Variants in MSL3 observed in about 807,000 individuals in gnomAD.
MSL3 encodes the protein MSL3-like 1.
A neutral mutation model predicts 37.2 loss-of-function variants in MSL3; 5 were observed. The observed-to-expected ratio is 0.13, with a 90% CI of 0.07 to 0.28. The LOEUF is 0.28. Ranked by LOEUF, MSL3 falls within the 10% of genes least tolerant of loss-of-function variation. The pLI, the probability that MSL3 is intolerant of heterozygous loss-of-function variation, is 1.00. For synonymous variants in MSL3, 149 were observed against 147.6 expected, an observed-to-expected ratio of 1.01 and a Z score of -0.07; for missense variants, 315 against 408.5, an observed-to-expected ratio of 0.77 and a Z score of 1.97.
rs193148980 is a variant in MSL3 at position 11,775,205 on chromosome X, T to C, written c.*126T>C. 2.1e-6 allele frequency: 1 copy of C among 470,773 alleles called. No homozygotes were observed. The highest frequency in any genetic ancestry group is 3.8e-5 in the East Asian group (1 of 26,636). The allele number at this position is 470,773 out of a possible 1,213,427, so 38.8% of individuals were successfully genotyped here. A position where few individuals can be genotyped will look rare whatever the true frequency, so the allele number is the denominator to read the frequency against. ...ACACAATGCCCACCTTGGGGCTCTG[T>C]TGTTTGAGTTGCCCACATACTGCAG... is the stretch of plus-strand genomic sequence containing the variant. On this transcript the variant is annotated 3_prime_UTR_variant, in exon 13 of 13. Coordinates refer to ENST00000312196, the MANE Select transcript of MSL3 (RefSeq NM_078629.4).
intron 12 of MSL3, among the ~76,000 whole-genome samples, chrX:11,774,116 TA>T (rs747223060): frequency 7.1e-5 from 8 of 111,977 alleles, no homozygotes; most frequent in Admixed American, 1.9e-4. Context: ...AGCACATTTT[TA>T]ACATCCGTCT....
At chrX:11,765,417 G>A (rs1336175703) in intron 8 of MSL3, 50 bp from the exon 9 acceptor site, 1 of 1,149,913 alleles carries the variant, frequency 8.7e-7, no homozygotes. Flanking sequence ...AGCACTCCAT[G>A]TTCTGGAAAG....
At position 11,765,548 on chromosome X, in the gene MSL3, T is replaced by C. The variant is rs2053173303; in HGVS notation, c.990T>C (p.Gly330=). ...CCACAGAGAGTCAGCCGACCACCGG[T>C]GAACCAGCCACCCCCAAAAGGCGCA... The part of the protein sequence containing the change: ...PQSTESQPTT[G]EPATPKRRKA... The change falls in exon 9 of 13, where the codon GGT becomes GGC. Residue 330 remains glycine, a synonymous_variant. Transcript: ENST00000312196. 8.3e-7 allele frequency: 1 copy of C among 1,210,962 alleles called. No homozygotes were observed. The highest frequency in any genetic ancestry group is 3.0e-5 in the East Asian group (1 of 33,830).
chrX:11,758,406 G>GACCCGGGACCGGGGGCGGGGGC, intron 1 of MSL3, 41 bp downstream of exon 1: 1 of 956,665 alleles, frequency 1.0e-6, no homozygotes, highest in Non-Finnish European at 1.4e-6. Flanking sequence ...CGGGCTGGGG[G>GACCCGGGACCGGGGGCGGGGGC]ACCCGGGACC....
intron 9 of MSL3, chrX:11,766,930 G>C: frequency 4.0e-6 from 3 of 754,678 alleles, no homozygotes; most frequent in Non-Finnish European, 4.7e-6. Context: ...GGTGTATCTT[G>C]TGTATGACCT....
chrX:11,764,803 G>A (rs762179719), intron 8 of MSL3, among the ~76,000 whole-genome samples: 2 of 111,386 alleles, frequency 1.8e-5, no homozygotes, highest in African/African-American at 3.3e-5. Flanking sequence ...CCGCCTGGCC[G>A]CCATCTCCTC....
chrX:11,772,056 AT>A, intron 10 of MSL3, 99 bp from the exon 11 acceptor site: 2 of 560,339 alleles, frequency 3.6e-6, no homozygotes, highest in South Asian at 6.6e-5. Context: ...CCAATCACTT[AT>A]TTTTTCCCCT....
rs774733298 is a variant in MSL3, at chrX:11,764,471, G to A, written c.908+533G>A. Among the ~76,000 whole-genome samples, 7 of 110,733 alleles carry A rather than the reference G, an allele frequency of 6.3e-5. No individual in the cohort carries two copies. The South Asian group carries it at 1.2e-3, about 19-fold the overall frequency. On this transcript the variant is annotated intron_variant, in intron 8 of 12. Coordinates refer to ENST00000312196, the MANE Select transcript of MSL3 (RefSeq NM_078629.4). The stretch of plus-strand genomic sequence containing the variant: ...CACCACTTTTCCTCCCTCAGTTACC[G>A]AGCATGCTCTGTTCTTTTTTGAGGG...
In MSL3 at chrX:11,775,278, C is replaced by T. The variant is rs139878443; in HGVS notation, c.*199C>T. On this transcript the variant is annotated 3_prime_UTR_variant, in exon 13 of 13. Transcript: ENST00000312196. Reference sequence around the variant, plus strand: ...CTGGGTGCCTGAAAGTGCTCTGACACGACACTTGTTACTTTGCAGGCCATC... The same window carrying T: ...CTGGGTGCCTGAAAGTGCTCTGACATGACACTTGTTACTTTGCAGGCCATC... The T allele has an allele frequency of 1.5e-4, 58 of 383,830 alleles. No homozygotes were observed. Among genetic ancestry groups the T allele is most frequent in the Middle Eastern group, 1.4e-3 (2 of 1,479 alleles). 31.6% of individuals were successfully genotyped at this position (383,830 alleles called of 1,213,427 possible).
At chrX:11,773,566 T>C (rs1432818943) in intron 12 of MSL3, among the ~76,000 whole-genome samples, 1 of 111,955 alleles carries the variant, frequency 8.9e-6, no homozygotes, top group Non-Finnish European at 1.9e-5. Flanking sequence ...CACAACATTT[T>C]CTTGGAAACA....
chrX:11,760,463 A>G lies in MSL3; in HGVS notation c.246A>G (p.Leu82=). 1 of 1,203,686 alleles carries G rather than the reference A, an allele frequency of 8.3e-7. No individual in the cohort carries two copies. Among genetic ancestry groups the G allele is most frequent in the Non-Finnish European group, 1.1e-6 (1 of 891,740 alleles). The part of the protein sequence containing the change: ...VLRDTDENRR[L]QRKLARKAVA... The stretch of plus-strand genomic sequence containing the variant: ...GTGATACCGATGAAAATCGTAGATT[A>G]CAGCGTAAATTGGCAAGAAAAGCTG... Residue 82 remains leucine, a synonymous_variant, in exon 3 of 13, where the codon TTA becomes TTG. Transcript: ENST00000312196.
rs182808848 is a variant in MSL3, at chrX:11,775,433, T to C, written c.*354T>C. The C allele has an allele frequency of 3.7e-5, 5 of 133,435 alleles. No individual in the cohort carries two copies. The highest frequency in any genetic ancestry group is 3.9e-4 in the East Asian group (2 of 5,186). The allele number at this position is 133,435 out of a possible 1,213,427, so 11.0% of individuals were successfully genotyped here. A position where few individuals can be genotyped will look rare whatever the true frequency, so the allele number is the denominator to read the frequency against. On this transcript the variant is annotated 3_prime_UTR_variant, in exon 13 of 13. Transcript: ENST00000312196. ...TCTTTATTTGTTAGCATTAAACAAATTTTTTTTTGCAAATTGGTTTTATTT... is the reference window on the plus strand; with the variant it reads ...TCTTTATTTGTTAGCATTAAACAAACTTTTTTTTGCAAATTGGTTTTATTT...
chrX:11,759,349 GA>G (rs1321165442), intron 1 of MSL3, among the ~76,000 whole-genome samples: 7 of 110,100 alleles, frequency 6.4e-5, no homozygotes, highest in East Asian at 5.7e-4. Context: ...CCTCGGGGCG[GA>G]GGGGGGGGGG....
intron 10 of MSL3, among the ~76,000 whole-genome samples, chrX:11,770,465 G>T (rs921109956): frequency 2.7e-5 from 3 of 112,073 alleles, no homozygotes; most frequent in African/African-American, 9.8e-5. Flanking sequence ...GTGGTTATAG[G>T]TACAGCTGCA....
rs184812048 is a variant in MSL3 at position 11,762,769 on chromosome X, T to G, written c.589-68T>G. On this transcript the variant is annotated intron_variant, in intron 6 of 12. Coordinates refer to ENST00000312196, the MANE Select transcript of MSL3 (RefSeq NM_078629.4). ...TAAAAAATGATACAGACATGACCAG[T>G]GTTTCTTGGAATATGTGGTTTGTTA... 25 of 1,006,958 alleles carry G rather than the reference T, an allele frequency of 2.5e-5. No homozygotes were observed. In the East Asian group the frequency reaches 7.9e-4, roughly 32 times the overall value. 83.0% of individuals were successfully genotyped at this position (1,006,958 alleles called of 1,213,427 possible).
chrX:11,766,067 G>A (rs1329046935), intron 9 of MSL3: 3 of 936,198 alleles, frequency 3.2e-6, no homozygotes, highest in Non-Finnish European at 2.7e-6. Context: ...ATGCTAATGG[G>A]TTGTTTAGCT....
chrX:11,767,287 G>T (rs1023465091), intron 9 of MSL3: 1 of 750,346 alleles, frequency 1.3e-6, no homozygotes, highest in Admixed American at 8.7e-5. Flanking sequence ...ACAAAATCAG[G>T]TGCTTTTTTA....
At chrX:11,758,235 G>A, upstream of MSL3, 1 of 595,361 alleles carries the variant, frequency 1.7e-6, no homozygotes, top group Non-Finnish European at 2.2e-6. Context: ...CGCCCGCCCC[G>A]GAGCCTCGCC....
chrX:11,772,247 G>A lies in MSL3; in HGVS notation c.1373G>A (p.Arg458Gln). The A allele has an allele frequency of 8.3e-7, 1 of 1,197,940 alleles. No individual in the cohort carries two copies. Among genetic ancestry groups the A allele is most frequent in the Non-Finnish European group, 1.1e-6 (1 of 884,260 alleles). ...SYIYGAQHLL[R>Q]LFVKLPEILG... The stretch of plus-strand genomic sequence containing the variant: ...ATTTATGGGGCACAACATTTGCTGC[G>A]ATTGTTTGGTAAGAATCCTGGTTCC... Residue 458 changes from arginine to glutamine, a missense_variant, in exon 11 of 13, where the codon CGA becomes CAA. Arg to Gln is a conservative substitution (Grantham distance 43). Transcript: ENST00000312196.
Sources: allele counts gnomAD v4.1 joint callset (sites outside exome capture counted in the v4.1 genomes callset), GRCh38; gene constraint gnomAD v4.1.1; transcripts MANE v1.5; gene names NCBI Gene and HGNC (gene_info 2026-07-23, HGNC 2026-07-21).